Variants in MAGI1 observed in about 807,000 individuals in gnomAD.
MAGI1 encodes the protein membrane-associated guanylate kinase, WW and PDZ domain-containing protein 1.
In MAGI1, 58 loss-of-function variants were observed where a neutral mutation model predicts 139.9. The observed-to-expected ratio is 0.41, with a 90% confidence interval of 0.34 to 0.52. The LOEUF is 0.52. MAGI1 is among the 20% of genes least tolerant of loss of function. The probability of loss-of-function intolerance (pLI) is 0.12; values close to 1 mark genes in which losing one functional copy is unlikely to be tolerated. For synonymous variants in MAGI1, 812 were observed against 737.9 expected, an observed-to-expected ratio of 1.10 and a Z score of -1.63; for missense variants, 1,874 against 1,901.6, an observed-to-expected ratio of 0.99 and a Z score of 0.27.
chr3:65,546,873 A>G (rs1024748639), intron 2 of MAGI1, among the ~76,000 whole-genome samples: 3 of 152,232 alleles, frequency 2.0e-5, no homozygotes, highest in African/African-American at 7.2e-5. Flanking sequence ...TGAACAAGTC[A>G]GAATTCACTA....
chr3:65,598,000 T>C (rs968058931), intron 2 of MAGI1: 8 of 439,828 alleles, frequency 1.8e-5, no homozygotes, highest in East Asian at 1.4e-4. Context: ...GAGCGGTTTT[T>C]CGAGGGAAGA....
intron 1 of MAGI1, among the ~76,000 whole-genome samples, chr3:65,674,376 C>G (rs979364551): frequency 1.3e-5 from 2 of 152,124 alleles, no homozygotes; most frequent in African/African-American, 2.4e-5. Context: ...TTTCAAGAAC[C>G]AGTCATTTTA....
At chr3:65,905,402 A>T (rs1281427556) in intron 1 of MAGI1, among the ~76,000 whole-genome samples, 1 of 150,292 alleles carries the variant, frequency 6.7e-6, no homozygotes, top group Non-Finnish European at 1.5e-5. Flanking sequence ...CAACCTAGTG[A>T]GACCTCATCT....
chr3:66,000,778 G>A lies in MAGI1; in HGVS notation c.313+37218C>T, dbSNP rs1240198890. Among the ~76,000 whole-genome samples, 4 of 152,196 alleles carry A rather than the reference G, an allele frequency of 2.6e-5. No individual in the cohort carries two copies. The East Asian group carries it at 7.7e-4, about 29-fold the overall frequency. ...GGCAGGGCAACATCCTGCATCACAGGCTAAACCTTTCATATCAGGCTTTTA... is the reference window on the plus strand; with the variant it reads ...GGCAGGGCAACATCCTGCATCACAGACTAAACCTTTCATATCAGGCTTTTA... On this transcript the variant is annotated intron_variant, in intron 1 of 22. Coordinates refer to ENST00000402939, the MANE Select transcript of MAGI1 (RefSeq NM_001033057.2).
intron 2 of MAGI1, among the ~76,000 whole-genome samples, chr3:65,540,832 T>C (rs2079174893): frequency 6.6e-6 from 1 of 152,124 alleles, no homozygotes; most frequent in Non-Finnish European, 1.5e-5. Context: ...GCCATGTTGG[T>C]AAAATATAAT....
intron 1 of MAGI1, among the ~76,000 whole-genome samples, chr3:65,731,663 TAA>T (rs35714265): frequency 0.048 from 5,449 of 112,870 alleles, 189 homozygotes; most frequent in African/African-American, 0.11. Context: ...TCAAAAAATT[TAA>T]AAAAAAAAAA....
chr3:65,708,966 G>T (rs891421953), intron 1 of MAGI1, among the ~76,000 whole-genome samples: 2 of 152,178 alleles, frequency 1.3e-5, no homozygotes, highest in African/African-American at 2.4e-5. Flanking sequence ...TGTGGCCTTA[G>T]AGGGGCAAAC....
chr3:65,429,491 A>T, intron 12 of MAGI1, 29 bp downstream of exon 12: 2 of 1,548,676 alleles, frequency 1.3e-6, no homozygotes, highest in African/African-American at 2.8e-5. Context: ...ATAAAAAAAA[A>T]ATTCAAAGAA....
chr3:65,888,817 ATC>A (rs933785042), intron 1 of MAGI1, among the ~76,000 whole-genome samples: 2 of 152,162 alleles, frequency 1.3e-5, no homozygotes. Context: ...GAACCACAAA[ATC>A]TGACAGATGG....
At chr3:65,705,792 G>A (rs1221349235) in intron 1 of MAGI1, among the ~76,000 whole-genome samples, 1 of 152,204 alleles carries the variant, frequency 6.6e-6, no homozygotes, top group Non-Finnish European at 1.5e-5. Context: ...GAACTTTTAA[G>A]TCTCTTGTTC....
chr3:65,514,464 A>G (rs1163171881), intron 2 of MAGI1, among the ~76,000 whole-genome samples: 1 of 149,164 alleles, frequency 6.7e-6, no homozygotes, highest in African/African-American at 2.5e-5. Context: ...ATTTACAAGA[A>G]AAAAACAAAC....
At chr3:65,486,562 C>A (rs1004818644) in intron 3 of MAGI1, among the ~76,000 whole-genome samples, 1 of 152,192 alleles carries the variant, frequency 6.6e-6, no homozygotes, top group African/African-American at 2.4e-5. Context: ...AAGCTCAGTG[C>A]CACAATTAGG....
At chr3:65,491,580 T>A (rs4432574) in intron 3 of MAGI1, among the ~76,000 whole-genome samples, 151,478 of 152,212 alleles carry the variant, frequency 1, 75,380 homozygotes, top group Middle Eastern at 1. Flanking sequence ...GATGAGGACA[T>A]TTCTCTCTCT....
chr3:65,579,811 C>T (rs2081335281), intron 2 of MAGI1, among the ~76,000 whole-genome samples: 1 of 148,268 alleles, frequency 6.7e-6, no homozygotes. Flanking sequence ...CACGCCACTG[C>T]ACTCTGGCCT....
chr3:65,660,025 C>A (rs1259028797), intron 1 of MAGI1, among the ~76,000 whole-genome samples: 1 of 152,108 alleles, frequency 6.6e-6, no homozygotes, highest in Non-Finnish European at 1.5e-5. Flanking sequence ...ATTTAATCTA[C>A]CTGGTATTTA....
At chr3:65,635,818 T>C (rs1482248242) in intron 1 of MAGI1, among the ~76,000 whole-genome samples, 1 of 152,244 alleles carries the variant, frequency 6.6e-6, no homozygotes, top group African/African-American at 2.4e-5. Flanking sequence ...TATTCTAATA[T>C]GATCTGACGT....
intron 1 of MAGI1, among the ~76,000 whole-genome samples, chr3:65,736,010 T>A (rs1316185172): frequency 1.3e-5 from 2 of 152,134 alleles, no homozygotes; most frequent in African/African-American, 4.8e-5. Flanking sequence ...TGAACCCACA[T>A]CTTCATCTCT....
intron 1 of MAGI1, among the ~76,000 whole-genome samples, chr3:65,750,455 C>T (rs1214180707): frequency 6.6e-6 from 1 of 152,140 alleles, no homozygotes; most frequent in Non-Finnish European, 1.5e-5. Context: ...AGAATGAGTT[C>T]ACAAAGTTTA....
rs114412881 is a variant in MAGI1, at chr3:65,843,289, G to A, written c.313+194707C>T. Among the ~76,000 whole-genome samples the A allele has an allele frequency of 5.3e-3, 800 of 152,238 alleles. 5 individuals carry two copies. Among genetic ancestry groups the A allele is most frequent in the African/African-American group, 0.018 (756 of 41,532 alleles). ...GAGGTCCACGGAATAAGGGAGCAAG[G>A]ACTGTCAACCAGGAGAATGATCCTG... On this transcript the variant is annotated intron_variant, in intron 1 of 22. Transcript: ENST00000402939.
Sources: gnomAD v4.1 joint callset for allele counts (sites outside exome capture counted in the v4.1 genomes callset) on GRCh38, gnomAD v4.1.1 for gene constraint, MANE v1.5 for transcripts, NCBI Gene and HGNC (gene_info 2026-07-23, HGNC 2026-07-21) for gene names.